Variants in CEP128 observed in about 807,000 individuals in gnomAD.
CEP128 encodes the protein centrosomal protein 128kDa.
Under a neutral mutation model 156.7 loss-of-function variants are expected in CEP128, and 132 were observed. The ratio of observed to expected loss-of-function variants is 0.84; its 90% CI spans 0.73 to 0.97. CEP128 has a LOEUF of 0.97. Ranked by LOEUF, CEP128 falls within the 50% of genes least tolerant of loss-of-function variation. CEP128 has a pLI of 0.00. For missense variants in CEP128, 1,252 were observed against 1,281.9 expected (o/e 0.98, Z 0.36); for synonymous variants, 469 against 448.9 (o/e 1.04, Z -0.57).
Position 80,673,159 on chromosome 14 carries a change from A to G in CEP128, c.2806+69916T>C, listed in dbSNP as rs149633196. ...CAATAACAGGAAAATTTATAGTCTT[A>G]GCAAAAATGAGAAGATTTACATAAT... On this transcript the variant is annotated intron_variant, in intron 19 of 24. Transcript: ENST00000555265. 3.6e-3 allele frequency among the ~76,000 whole-genome samples: 544 copies of G among 152,352 alleles called. 3 individuals are homozygous for G. Among genetic ancestry groups the G allele is most frequent in the African/African-American group, 7.8e-3 (324 of 41,582 alleles).
chr14:80,819,403 C>T (rs544511078), intron 13 of CEP128, among the ~76,000 whole-genome samples: 21 of 152,044 alleles, frequency 1.4e-4, no homozygotes, highest in African/African-American at 4.6e-4. Flanking sequence ...CTTGCCACCA[C>T]GCCCGGCTAA....
At chr14:80,903,077 A>G (rs1370207499) in intron 6 of CEP128, among the ~76,000 whole-genome samples, 1 of 152,166 alleles carries the variant, frequency 6.6e-6, no homozygotes, top group East Asian at 1.9e-4. Flanking sequence ...AAAAGAACAA[A>G]GCTGGAGGCA....
chr14:80,760,943 T>C (rs546570170), intron 17 of CEP128, among the ~76,000 whole-genome samples: 1 of 152,226 alleles, frequency 6.6e-6, no homozygotes, highest in South Asian at 2.1e-4. Context: ...TAACCAGATG[T>C]ACAGCCAAGG....
chr14:80,514,255 C>T (rs1216756173), intron 23 of CEP128, among the ~76,000 whole-genome samples: 4 of 152,294 alleles, frequency 2.6e-5, no homozygotes, highest in Non-Finnish European at 4.4e-5. Flanking sequence ...ACCCCAACCA[C>T]CTTGGGCACA....
chr14:80,946,557 A>C (rs1055473478), upstream of CEP128, among the ~76,000 whole-genome samples: 2 of 152,130 alleles, frequency 1.3e-5, no homozygotes, highest in African/African-American at 4.8e-5. Context: ...ACGAAACATT[A>C]AATACCTAGA....
At chr14:80,487,068 G>C (rs1039712526), downstream of CEP128, among the ~76,000 whole-genome samples, 14 of 152,016 alleles carry the variant, frequency 9.2e-5, no homozygotes, top group Non-Finnish European at 1.8e-4. Flanking sequence ...CCAATTAAAA[G>C]ACACAAACTG....
At chr14:80,805,312 A>C (rs1007298887) in intron 13 of CEP128, among the ~76,000 whole-genome samples, 4 of 152,066 alleles carry the variant, frequency 2.6e-5, no homozygotes, top group African/African-American at 9.7e-5. Context: ...CATACAGTAT[A>C]GTCATACTGT....
intron 13 of CEP128, among the ~76,000 whole-genome samples, chr14:80,814,274 C>T (rs776319088): frequency 2.5e-4 from 38 of 152,078 alleles, no homozygotes; most frequent in African/African-American, 7.7e-4. Flanking sequence ...CTCCAATTAT[C>T]TATATCTATA....
At chr14:80,634,626 A>G (rs2140748640) in intron 19 of CEP128, among the ~76,000 whole-genome samples, 1 of 152,196 alleles carries the variant, frequency 6.6e-6, no homozygotes, top group East Asian at 1.9e-4. Context: ...CCTGGTAATC[A>G]TTTTTTCCCA....
In CEP128 at chr14:80,831,173, C is replaced by T; in HGVS notation, c.1179G>A (p.Lys393=). 6.2e-7 allele frequency: 1 copy of T among 1,613,946 alleles called. No homozygotes were observed. The highest frequency in any genetic ancestry group is 1.1e-5 in the South Asian group (1 of 91,068). The change falls in exon 13 of 25, where the codon AAG becomes AAA. Residue 393 remains lysine (K), a synonymous_variant. Coordinates refer to ENST00000555265, the MANE Select transcript of CEP128 (RefSeq NM_152446.5). ...CTTGTGATGCCAAATGTGCTTTCTC[C>T]TTGTCTTTTCTCTCCATGCACCGTT... ...EVKRCMERKD[K]EKAHLASQVE... is the part of the protein sequence containing the mutation.
At chr14:80,933,389 A>T (rs1054918480) in intron 2 of CEP128, among the ~76,000 whole-genome samples, 7 of 152,168 alleles carry the variant, frequency 4.6e-5, no homozygotes, top group Non-Finnish European at 8.8e-5. Flanking sequence ...TCCTTTGGGC[A>T]CTGTCTGTCA....
intron 22 of CEP128, among the ~76,000 whole-genome samples, 160 bp downstream of exon 22, chr14:80,530,649 C>A (rs1355216827): frequency 2.0e-5 from 3 of 152,168 alleles, no homozygotes; most frequent in Admixed American, 2.0e-4. Flanking sequence ...TCAATTCTAA[C>A]TTCACAAATG....
At chr14:80,761,315 G>A (rs986626187) in intron 17 of CEP128, 122 bp downstream of exon 17, 5 of 712,982 alleles carry the variant, frequency 7.0e-6, no homozygotes, top group Non-Finnish European at 8.6e-6. Context: ...AATGCAAAAT[G>A]TTATTTTGTT....
intron 21 of CEP128, among the ~76,000 whole-genome samples, chr14:80,556,937 G>C (rs547553639): frequency 6.6e-6 from 1 of 152,250 alleles, no homozygotes; most frequent in East Asian, 1.9e-4. Flanking sequence ...CCCTTAAAAT[G>C]TCATATGAAA....
At chr14:80,676,442 T>C (rs1193832176) in intron 19 of CEP128, among the ~76,000 whole-genome samples, 2 of 139,896 alleles carry the variant, frequency 1.4e-5, no homozygotes, top group Admixed American at 1.5e-4. Flanking sequence ...TATTAATTTG[T>C]GATTTTTTTT....
At chr14:80,671,654 CA>C (rs755919261) in intron 19 of CEP128, among the ~76,000 whole-genome samples, 1 of 152,060 alleles carries the variant, frequency 6.6e-6, no homozygotes, top group Non-Finnish European at 1.5e-5. Context: ...ATAACAGACA[CA>C]AAAAATGTAG....
At position 80,620,706 on chromosome 14, in the gene CEP128, G is replaced by T. The variant is rs541347229; in HGVS notation, c.2807-40283C>A. Among the ~76,000 whole-genome samples the T allele has an allele frequency of 2.8e-3, 419 of 152,230 alleles. 1 individual carries two copies. Among genetic ancestry groups the T allele is most frequent in the Non-Finnish European group, 4.6e-3 (312 of 68,004 alleles). On this transcript the variant is annotated intron_variant, in intron 19 of 24. Transcript: ENST00000555265. Reference sequence around the variant, plus strand: ...AGTTTACCACTCATTGAAAGAACCAGGAAATGATTTTCAGTCCAAAGGAAA... The same window carrying T: ...AGTTTACCACTCATTGAAAGAACCATGAAATGATTTTCAGTCCAAAGGAAA...
chr14:80,879,031 T>C (rs751781310), intron 8 of CEP128, among the ~76,000 whole-genome samples: 3 of 152,196 alleles, frequency 2.0e-5, no homozygotes, highest in Non-Finnish European at 4.4e-5. Context: ...TCACTGTCAC[T>C]ACCACAAATT....
chr14:80,487,913 A>G (rs1887205231), downstream of CEP128, among the ~76,000 whole-genome samples: 1 of 151,950 alleles, frequency 6.6e-6, no homozygotes, highest in South Asian at 2.1e-4. Context: ...AAATGCCCAC[A>G]AGAGAAAGCA....
Sources: gnomAD v4.1 joint callset for allele counts (sites outside exome capture counted in the v4.1 genomes callset) on GRCh38, gnomAD v4.1.1 for gene constraint, MANE v1.5 for transcripts, NCBI Gene and HGNC (gene_info 2026-07-23, HGNC 2026-07-21) for gene names.